Variants in CCNY observed in about 807,000 individuals in gnomAD.
The protein encoded by CCNY is cyclin Y.
A neutral mutation model predicts 42.8 loss-of-function variants in CCNY; 19 were observed. That is an observed-to-expected ratio of 0.44 (90% CI 0.31 to 0.65). CCNY has a LOEUF of 0.65. Among genes scored for constraint, CCNY ranks in the 30% least tolerant of loss-of-function variants. CCNY has a pLI of 0.07. For missense variants in CCNY, 370 were observed against 437.3 expected, an observed-to-expected ratio of 0.85 and a Z score of 1.37; for synonymous variants, 165 against 162.7, an observed-to-expected ratio of 1.01 and a Z score of -0.11.
chr10:35,398,516 GT>G, intron 1 of CCNY, among the ~76,000 whole-genome samples: 1 of 152,150 alleles, frequency 6.6e-6, no homozygotes, highest in Non-Finnish European at 1.5e-5. Context: ...CAGTTCCTAT[GT>G]TTTGACTGCT....
intron 3 of CCNY, among the ~76,000 whole-genome samples, chr10:35,326,608 T>C (rs1343833434): frequency 1.3e-5 from 2 of 152,162 alleles, no homozygotes; most frequent in African/African-American, 4.8e-5. Flanking sequence ...ATCAGAACCA[T>C]TGCTTCTAGG....
At chr10:35,276,611 C>G (rs35352392) in intron 3 of CCNY, among the ~76,000 whole-genome samples, 11 of 152,172 alleles carry the variant, frequency 7.2e-5, no homozygotes, top group Non-Finnish European at 1.5e-4. Flanking sequence ...GTCTCAAACT[C>G]CTGGCCTCAA....
At chr10:35,357,080 T>C (rs1345291738) in intron 1 of CCNY, among the ~76,000 whole-genome samples, 2 of 148,888 alleles carry the variant, frequency 1.3e-5, no homozygotes, top group African/African-American at 2.5e-5. Context: ...CCAAAGCTCA[T>C]CACCTGGCTG....
intron 1 of CCNY, among the ~76,000 whole-genome samples, chr10:35,477,320 C>G (rs1839537896): frequency 6.6e-6 from 1 of 151,550 alleles, no homozygotes; most frequent in Non-Finnish European, 1.5e-5. Context: ...CAAAGCCGGG[C>G]AGAGACACAA....
chr10:35,310,673 C>A (rs1029350441), intron 3 of CCNY, among the ~76,000 whole-genome samples: 1 of 152,164 alleles, frequency 6.6e-6, no homozygotes, highest in Admixed American at 6.6e-5. Flanking sequence ...ATTTTTCATA[C>A]AACTGTTGGT....
At chr10:35,300,460 TTGTTTC>T (rs1161255571) in intron 3 of CCNY, among the ~76,000 whole-genome samples, 3 of 152,092 alleles carry the variant, frequency 2.0e-5, no homozygotes, top group African/African-American at 7.2e-5. Context: ...TCTGAAACAA[TTGTTTC>T]ATATATCTTC....
intron 3 of CCNY, among the ~76,000 whole-genome samples, chr10:35,322,617 T>C (rs1209657113): frequency 6.6e-6 from 1 of 152,170 alleles, no homozygotes; most frequent in African/African-American, 2.4e-5. Flanking sequence ...TCTACATACC[T>C]GCCAAAGGTA....
At chr10:35,561,508 T>G (rs1033582290) in intron 8 of CCNY, among the ~76,000 whole-genome samples, 1 of 152,214 alleles carries the variant, frequency 6.6e-6, no homozygotes, top group African/African-American at 2.4e-5. Flanking sequence ...TGGTCTCAGT[T>G]TCCTGGCAGA....
At chr10:35,385,463 TTTTA>T (rs1349879816) in intron 1 of CCNY, among the ~76,000 whole-genome samples, 3 of 152,208 alleles carry the variant, frequency 2.0e-5, no homozygotes, top group African/African-American at 7.2e-5. Context: ...CCACTTTAGT[TTTTA>T]TTTGTGTTTA....
intron 7 of CCNY, among the ~76,000 whole-genome samples, chr10:35,547,903 A>G (rs946101219): frequency 6.6e-6 from 1 of 152,124 alleles, no homozygotes; most frequent in African/African-American, 2.4e-5. Flanking sequence ...GGGTCACCCA[A>G]CTAATTTGGG....
chr10:35,367,830 C>T (rs1284720515), intron 1 of CCNY, among the ~76,000 whole-genome samples: 6 of 152,216 alleles, frequency 3.9e-5, no homozygotes, highest in South Asian at 4.1e-4. Context: ...TGAAATATTT[C>T]GTTTAACAAA....
At chr10:35,394,952 A>T in intron 1 of CCNY, 1 of 568,948 alleles carries the variant, frequency 1.8e-6, no homozygotes, top group East Asian at 1.4e-4. Flanking sequence ...GAAACTTCAC[A>T]TCCATTCGCC....
intron 1 of CCNY, among the ~76,000 whole-genome samples, chr10:35,417,251 C>T (rs1405600069): frequency 6.6e-6 from 1 of 152,184 alleles, no homozygotes; most frequent in Non-Finnish European, 1.5e-5. Flanking sequence ...TTGTGGATTG[C>T]AAAGAGGTGT....
At chr10:35,471,909 T>C (rs1175527729) in intron 1 of CCNY, among the ~76,000 whole-genome samples, 1 of 152,224 alleles carries the variant, frequency 6.6e-6, no homozygotes. Context: ...TATCTTGCCA[T>C]TCTTTTAGGA....
chr10:35,548,897 G>T (rs1413930063), intron 7 of CCNY, among the ~76,000 whole-genome samples: 1 of 152,104 alleles, frequency 6.6e-6, no homozygotes, highest in Non-Finnish European at 1.5e-5. Context: ...ACAGTGCCCT[G>T]ATCCATTCTA....
In CCNY at chr10:35,446,962, T is replaced by A. The variant is rs562041649; in HGVS notation, c.155-36442T>A. Among the ~76,000 whole-genome samples the A allele has an allele frequency of 2.6e-5, 4 of 152,332 alleles. No homozygotes were observed. The East Asian group carries it at 7.7e-4, about 29-fold the overall frequency. On this transcript the variant is annotated intron_variant, in intron 1 of 9. Transcript: ENST00000374704. ...GATTATACAGATTTTGGAAAACATA[T>A]AGTTACCATGTAGGTTAAAGAAAGG...
Position 35,319,932 on chromosome 10 carries a change from A to G in CCNY, c.-9+69306A>G, listed in dbSNP as rs1476325010. Among the ~76,000 whole-genome samples, 4 of 152,122 alleles carry G rather than the reference A, an allele frequency of 2.6e-5. No individual in the cohort carries two copies. The East Asian group carries it at 5.8e-4, about 22-fold the overall frequency. On this transcript the variant is annotated intron_variant, in intron 3 of 11. Coordinates refer to the CCNY transcript ENST00000374706. ...GCCATTGCACTCCAGCCCGGGAGAC[A>G]CTGTGACACTCTGTCTCAAAAAAAG...
At chr10:35,322,047 T>C (rs1432168617) in intron 3 of CCNY, among the ~76,000 whole-genome samples, 5 of 152,304 alleles carry the variant, frequency 3.3e-5, no homozygotes, top group East Asian at 3.9e-4. Flanking sequence ...AATTGGATCA[T>C]GTACCTAAGC....
At chr10:35,429,744 T>G (rs918244598) in intron 1 of CCNY, among the ~76,000 whole-genome samples, 4 of 152,200 alleles carry the variant, frequency 2.6e-5, no homozygotes, top group African/African-American at 9.6e-5. Context: ...TGCAAACTCT[T>G]CTAGGTATGT....
Sources: allele counts gnomAD v4.1 joint callset (sites outside exome capture counted in the v4.1 genomes callset), GRCh38; gene constraint gnomAD v4.1.1; transcripts MANE v1.5; gene names NCBI Gene and HGNC (gene_info 2026-07-23, HGNC 2026-07-21).